Variants in OSBPL8 observed in about 807,000 individuals in gnomAD.
The protein encoded by OSBPL8 is oxysterol-binding protein-related protein 8.
OSBPL8 carries 59 observed loss-of-function variants against 125.5 expected under a neutral mutation model. The observed-to-expected ratio is 0.47, with a 90% CI of 0.38 to 0.58. OSBPL8 has a LOEUF of 0.58. Ranked by LOEUF, OSBPL8 falls within the 20% of genes least tolerant of loss-of-function variation. OSBPL8 has a pLI of 0.00. For missense variants in OSBPL8, 758 were observed against 1,047.8 expected (o/e 0.72, Z 3.82); for synonymous variants, 330 against 338.9 (o/e 0.97, Z 0.29).
At chr12:76,514,248 G>A (rs565052423) in intron 1 of OSBPL8, among the ~76,000 whole-genome samples, 8 of 151,930 alleles carry the variant, frequency 5.3e-5, no homozygotes, top group South Asian at 2.1e-4. Flanking sequence ...GGGTTCAAGC[G>A]ATTCTCCTGC....
intron 4 of OSBPL8, among the ~76,000 whole-genome samples, chr12:76,427,087 G>A (rs574051096): frequency 6.6e-6 from 1 of 152,216 alleles, no homozygotes; most frequent in Admixed American, 6.5e-5. Context: ...AGCCAAAGAT[G>A]TACCATAGTT....
intron 1 of OSBPL8, among the ~76,000 whole-genome samples, chr12:76,496,148 T>C (rs1366428926): frequency 6.6e-6 from 1 of 150,698 alleles, no homozygotes; most frequent in Non-Finnish European, 1.5e-5. Flanking sequence ...CATTAGTCTC[T>C]TCTTGTTTCA....
chr12:76,415,824 A>C (rs1420375859), intron 4 of OSBPL8, among the ~76,000 whole-genome samples: 1 of 152,176 alleles, frequency 6.6e-6, no homozygotes, highest in Non-Finnish European at 1.5e-5. Context: ...ACTCTTTTTC[A>C]TAATAAATCA....
intron 2 of OSBPL8, among the ~76,000 whole-genome samples, chr12:76,477,970 G>A (rs1157055587): frequency 6.6e-6 from 1 of 152,094 alleles, no homozygotes; most frequent in Admixed American, 6.5e-5. Context: ...TTGGGAGGCT[G>A]AGGAGGGTGG....
intron 1 of OSBPL8, among the ~76,000 whole-genome samples, chr12:76,557,237 G>A (rs1477735654): frequency 6.6e-6 from 1 of 152,110 alleles, no homozygotes; most frequent in Non-Finnish European, 1.5e-5. Flanking sequence ...CTTAATTCAA[G>A]TAATCTACTT....
intron 4 of OSBPL8, among the ~76,000 whole-genome samples, chr12:76,449,145 A>G (rs181851342): frequency 1.2e-4 from 19 of 152,370 alleles, no homozygotes; most frequent in African/African-American, 4.6e-4. Flanking sequence ...GACTAATTAC[A>G]AAGTATGACA....
At chr12:76,382,118 CTG>C (rs1953082618) in intron 15 of OSBPL8, among the ~76,000 whole-genome samples, 1 of 152,150 alleles carries the variant, frequency 6.6e-6, no homozygotes, top group Admixed American at 6.5e-5. Flanking sequence ...CTGATAATCA[CTG>C]TCTTTAAATG....
At chr12:76,479,629 T>C (rs1169738002) in intron 2 of OSBPL8, among the ~76,000 whole-genome samples, 1 of 152,166 alleles carries the variant, frequency 6.6e-6, no homozygotes, top group African/African-American at 2.4e-5. Flanking sequence ...CAAAAAAAAT[T>C]TGAACCTTGA....
intron 2 of OSBPL8, among the ~76,000 whole-genome samples, chr12:76,484,889 A>T (rs1877953924): frequency 6.6e-6 from 1 of 152,268 alleles, no homozygotes; most frequent in East Asian, 1.9e-4. Context: ...AACCTAATGA[A>T]CAAGAAAAGA....
At chr12:76,496,379 T>TTTC (rs891238331) in intron 1 of OSBPL8, among the ~76,000 whole-genome samples, 7 of 151,800 alleles carry the variant, frequency 4.6e-5, no homozygotes, top group African/African-American at 1.7e-4. Context: ...AATTTTTTTT[T>TTTC]TTTTTTTGAC....
intron 2 of OSBPL8, among the ~76,000 whole-genome samples, chr12:76,465,696 G>A (rs903418240): frequency 2.0e-5 from 3 of 151,846 alleles, no homozygotes; most frequent in African/African-American, 7.3e-5. Flanking sequence ...GAAATAGCAA[G>A]CATGTAGTCA....
Position 76,369,759 on chromosome 12 carries a change from C to T in OSBPL8, c.2118G>A (p.Lys706=), listed in dbSNP as rs1465417949. ...AKDQTEATQE[K]YVLEEAQRQA... ...GTCTTTGAGCTTCTTCCAAAACATA[C>T]TTCTCTTGGGTAGCTTCAGTTTGGT... is the stretch of plus-strand genomic sequence containing the variant. The change falls in exon 20 of 24, where the codon AAG becomes AAA. Residue 706 remains lysine (K), a synonymous_variant. Transcript: ENST00000261183. 6 of 1,613,680 alleles carry T rather than the reference C, an allele frequency of 3.7e-6. No individual in the cohort carries two copies. Among genetic ancestry groups the T allele is most frequent in the Non-Finnish European group, 5.1e-6 (6 of 1,179,754 alleles).
At position 76,501,942 on chromosome 12, in the gene OSBPL8, T is replaced by C. The variant is rs571749556; in HGVS notation, c.-67-14324A>G. On this transcript the variant is annotated intron_variant, in intron 1 of 23. Transcript: ENST00000261183. The stretch of plus-strand genomic sequence containing the variant: ...ACTTAGAGTGCCTCATCTACCATAA[T>C]AGTAATACATACAGCATTGCTTTGG... 4.6e-5 allele frequency among the ~76,000 whole-genome samples: 7 copies of C among 152,356 alleles called. No individual in the cohort carries two copies. The South Asian group carries it at 8.3e-4, about 18-fold the overall frequency.
At chr12:76,465,914 G>A (rs893443019) in intron 2 of OSBPL8, among the ~76,000 whole-genome samples, 4 of 151,932 alleles carry the variant, frequency 2.6e-5, no homozygotes, top group Non-Finnish European at 5.9e-5. Flanking sequence ...GCTGAGGCAG[G>A]AGAATTTCTT....
At chr12:76,483,660 CTTTTTTTTTTTTT>C (rs869202382) in intron 2 of OSBPL8, among the ~76,000 whole-genome samples, 10 of 57,454 alleles carry the variant, frequency 1.7e-4, no homozygotes, top group East Asian at 1.1e-3. Flanking sequence ...CTGTAATAGT[CTTTTTTTTTTTTT>C]TTTTTTTTTT....
At chr12:76,430,557 ACAT>A (rs1219420680) in intron 4 of OSBPL8, among the ~76,000 whole-genome samples, 7 of 152,212 alleles carry the variant, frequency 4.6e-5, no homozygotes, top group African/African-American at 1.4e-4. Context: ...TTCTAAATAA[ACAT>A]CATGAACTGC....
intron 1 of OSBPL8, among the ~76,000 whole-genome samples, chr12:76,499,817 C>T (rs913613452): frequency 4.0e-5 from 6 of 151,680 alleles, no homozygotes; most frequent in Admixed American, 3.9e-4. Context: ...CACACCACTG[C>T]ACTCCAGCCT....
At chr12:76,552,311 A>AAG (rs1565993208) in intron 1 of OSBPL8, among the ~76,000 whole-genome samples, 13 of 151,488 alleles carry the variant, frequency 8.6e-5, no homozygotes, top group Non-Finnish European at 1.9e-4. Flanking sequence ...CTGTAGTACC[A>AAG]GCTACTCGGA....
At chr12:76,502,962 T>C (rs1565950243) in intron 1 of OSBPL8, among the ~76,000 whole-genome samples, 1 of 152,234 alleles carries the variant, frequency 6.6e-6, no homozygotes, top group Non-Finnish European at 1.5e-5. Context: ...AATGACTTTA[T>C]TTCATAGCAT....
Sources: gnomAD v4.1 joint callset for allele counts (sites outside exome capture counted in the v4.1 genomes callset) on GRCh38, gnomAD v4.1.1 for gene constraint, MANE v1.5 for transcripts, NCBI Gene and HGNC (gene_info 2026-07-23, HGNC 2026-07-21) for gene names.